ACTR3: variants seen among roughly 807,000 people sequenced by gnomAD.
ACTR3 encodes the protein actin related protein 3.
A neutral mutation model predicts 56.8 loss-of-function variants in ACTR3; 12 were observed. The observed-to-expected ratio is 0.21, with a 90% CI of 0.14 to 0.34. The LOEUF is 0.34. ACTR3 is among the 10% of genes least tolerant of loss of function. The pLI, the probability that ACTR3 is intolerant of heterozygous loss-of-function variation, is 1.00. For missense variants in ACTR3, 282 were observed against 512.5 expected, an observed-to-expected ratio of 0.55 and a Z score of 4.34; for synonymous variants, 162 against 167.4, an observed-to-expected ratio of 0.97 and a Z score of 0.25.
At chr2:113,892,752 C>A (rs1678929992) in intron 1 of ACTR3, among the ~76,000 whole-genome samples, 1 of 152,098 alleles carries the variant, frequency 6.6e-6, no homozygotes, top group Non-Finnish European at 1.5e-5. Context: ...CAATTACTCA[C>A]TTAGTTTAAG....
chr2:113,924,677 C>A (rs187246318), intron 3 of ACTR3, among the ~76,000 whole-genome samples: 3 of 152,118 alleles, frequency 2.0e-5, no homozygotes, highest in Admixed American at 2.0e-4. Context: ...ATAAATTTCT[C>A]ATTGATAACT....
intron 2 of ACTR3, among the ~76,000 whole-genome samples, chr2:113,915,013 A>G (rs12618768): frequency 3.3e-5 from 5 of 152,066 alleles, no homozygotes; most frequent in Non-Finnish European, 7.4e-5. Flanking sequence ...TTTGTCTGTT[A>G]TTAAGAATTC....
chr2:113,890,715 G>T, intron 1 of ACTR3: 1 of 1,089,346 alleles, frequency 9.2e-7, no homozygotes, highest in Non-Finnish European at 1.1e-6. Flanking sequence ...AGTCGGTTTG[G>T]GGACCCAGGG....
At chr2:113,924,567 T>G (rs1679581330) in intron 3 of ACTR3, among the ~76,000 whole-genome samples, 1 of 152,214 alleles carries the variant, frequency 6.6e-6, no homozygotes, top group African/African-American at 2.4e-5. Flanking sequence ...GTTTTATTTC[T>G]TATAGAATAA....
At chr2:113,938,273 T>G (rs1052222657) in intron 6 of ACTR3, among the ~76,000 whole-genome samples, 3 of 152,192 alleles carry the variant, frequency 2.0e-5, no homozygotes, top group Admixed American at 6.5e-5. Context: ...ATATAGTTGC[T>G]GTTTTATTGT....
intron 3 of ACTR3, among the ~76,000 whole-genome samples, chr2:113,923,220 C>T (rs1328566683): frequency 6.6e-6 from 1 of 152,160 alleles, no homozygotes; most frequent in Non-Finnish European, 1.5e-5. Flanking sequence ...ATTTGATATG[C>T]TCTTTGTTAA....
intron 6 of ACTR3, among the ~76,000 whole-genome samples, chr2:113,936,059 A>G (rs1679819145): frequency 6.6e-6 from 1 of 152,114 alleles, no homozygotes; most frequent in African/African-American, 2.4e-5. Flanking sequence ...TTGGGAGGCC[A>G]AGGTGGGCAG....
In ACTR3 at chr2:113,913,212, T is replaced by C; in HGVS notation, c.85T>C (p.Phe29Leu). 6.3e-7 allele frequency: 1 copy of C among 1,592,934 alleles called. No individual in the cohort carries two copies. The highest frequency in any genetic ancestry group is 8.5e-7 in the Non-Finnish European group (1 of 1,170,032). The change falls in exon 2 of 12, where the codon TTT becomes CTT. Residue 29 changes from phenylalanine to leucine, a missense_variant. Phe to Leu is a conservative substitution (Grantham distance 22). Transcript: ENST00000263238. The stretch of plus-strand genomic sequence containing the variant: ...ATATGCTGGAAATACAGAACCACAG[T>C]TTATCATCCCTTCCTGTAAGTATTT... ...LGYAGNTEPQ[F>L]IIPSCIAIKE...
intron 8 of ACTR3, among the ~76,000 whole-genome samples, chr2:113,948,509 C>T (rs1253285288): frequency 6.6e-6 from 1 of 152,102 alleles, no homozygotes; most frequent in Non-Finnish European, 1.5e-5. Context: ...TCTTTTTTAT[C>T]CTTCTTCTGT....
In ACTR3 at chr2:113,892,021, C is replaced by T. The variant is rs537683592; in HGVS notation, c.44+1698C>T. Among the ~76,000 whole-genome samples, 6 of 152,220 alleles carry T rather than the reference C, an allele frequency of 3.9e-5. No individual in the cohort carries two copies. The South Asian group carries it at 1.2e-3, about 32-fold the overall frequency. The stretch of plus-strand genomic sequence containing the variant: ...TGTTTTGTTAAAGTGACGAATATTG[C>T]TACATAATTAATGCTTTAGAAATTA... On this transcript the variant is annotated intron_variant, in intron 1 of 11. Transcript: ENST00000263238.
chr2:113,903,533 T>G (rs1341273460), intron 1 of ACTR3, among the ~76,000 whole-genome samples: 1 of 142,660 alleles, frequency 7.0e-6, no homozygotes, highest in Non-Finnish European at 1.5e-5. Flanking sequence ...GCTCTGCTAA[T>G]TGTCTTTTTT....
chr2:113,939,080 G>A (rs913774275), intron 6 of ACTR3, among the ~76,000 whole-genome samples: 1 of 151,280 alleles, frequency 6.6e-6, no homozygotes, highest in Admixed American at 6.6e-5. Context: ...CTGGAGTGCA[G>A]TGGTGCGATC....
intron 3 of ACTR3, among the ~76,000 whole-genome samples, chr2:113,926,889 T>A (rs1050610790): frequency 1.3e-5 from 2 of 148,256 alleles, no homozygotes; most frequent in African/African-American, 4.8e-5. Flanking sequence ...TGTGCTTGAT[T>A]CTTACAATTA....
Position 113,947,688 on chromosome 2 carries a change from T to G in ACTR3, c.859-3791T>G, listed in dbSNP as rs546917520. Among the ~76,000 whole-genome samples, 3 of 152,272 alleles carry G rather than the reference T, an allele frequency of 2.0e-5. No individual in the cohort carries two copies. The South Asian group carries it at 6.2e-4, about 32-fold the overall frequency. ...TAACCCAAAGCTTTAGATATGTAAA[T>G]AAAATGTGTTTCATATTGCTTAGGA... is the stretch of plus-strand genomic sequence containing the variant. On this transcript the variant is annotated intron_variant, in intron 8 of 11. Coordinates refer to ENST00000263238, the MANE Select transcript of ACTR3 (RefSeq NM_005721.5).
intron 1 of ACTR3, among the ~76,000 whole-genome samples, chr2:113,899,453 A>T (rs1455507043): frequency 6.6e-6 from 1 of 152,252 alleles, no homozygotes; most frequent in Non-Finnish European, 1.5e-5. Context: ...TATGGTATAT[A>T]CAAGAAAACT....
intron 1 of ACTR3, among the ~76,000 whole-genome samples, chr2:113,893,234 T>C (rs1453436222): frequency 2.6e-5 from 4 of 152,012 alleles, no homozygotes; most frequent in Non-Finnish European, 5.9e-5. Context: ...AGGTTTTTTT[T>C]TTTCTGGGCG....
chr2:113,929,985 A>G (rs576714032), intron 4 of ACTR3, among the ~76,000 whole-genome samples: 2 of 152,228 alleles, frequency 1.3e-5, no homozygotes, highest in African/African-American at 4.8e-5. Context: ...CTAGCTTGTC[A>G]GTCTTTAAAA....
intron 2 of ACTR3, among the ~76,000 whole-genome samples, chr2:113,915,231 A>C (rs188497241): frequency 6.6e-6 from 1 of 152,200 alleles, no homozygotes; most frequent in African/African-American, 2.4e-5. Context: ...TACAAAATCA[A>C]TGCGTCAGCA....
intron 1 of ACTR3, among the ~76,000 whole-genome samples, chr2:113,895,059 T>TCC (rs61667793): frequency 6.3e-5 from 7 of 111,458 alleles, no homozygotes; most frequent in Admixed American, 1.9e-4. Context: ...TGGTTTAGGT[T>TCC]CCCCCCCCCC....
Sources: allele counts gnomAD v4.1 joint callset (sites outside exome capture counted in the v4.1 genomes callset), GRCh38; gene constraint gnomAD v4.1.1; transcripts MANE v1.5; gene names NCBI Gene and HGNC (gene_info 2026-07-23, HGNC 2026-07-21).